PLB1: variants seen among roughly 807,000 people sequenced by gnomAD.
PLB1 encodes phospholipase B1, also known as phospholipase B1, membrane-associated.
PLB1 carries 242 observed loss-of-function variants against 227.4 expected under a neutral mutation model. The observed-to-expected ratio is 1.06, with a 90% CI of 0.96 to 1.18. The LOEUF (loss-of-function observed/expected upper bound fraction) is 1.18. Ranked by LOEUF, PLB1 falls within the 50% of genes most tolerant of loss-of-function variation. PLB1 has a pLI of 0.00. For synonymous variants in PLB1, 757 were observed against 682.2 expected (o/e 1.11, Z -1.71); for missense variants, 1,858 against 1,816.3 (o/e 1.02, Z -0.42).
chr2:28,642,922 C>T lies in PLB1; in HGVS notation c.4238C>T (p.Pro1413Leu), dbSNP rs756319674. ...CTCCCAGACCAGGCTGAAGAAGCCC[C>T]CGAGGTGCTCTACTGGGCTGTCCCA... ...RLLPDQAEEAPEVLYWAVPVA... is the reference protein window; with the variant it reads ...RLLPDQAEEALEVLYWAVPVA... The change falls in exon 58 of 58, where the codon CCC (proline) becomes CTC (leucine). Residue 1413 changes from proline to leucine, a missense_variant. Coordinates refer to ENST00000327757, the MANE Select transcript of PLB1 (RefSeq NM_153021.5). The T allele has an allele frequency of 6.2e-7, 1 of 1,608,738 alleles. No individual in the cohort carries two copies. Among genetic ancestry groups the T allele is most frequent in the Non-Finnish European group, 8.5e-7 (1 of 1,177,638 alleles).
intron 4 of PLB1, among the ~76,000 whole-genome samples, chr2:28,520,548 C>A (rs887851876): frequency 1.3e-5 from 2 of 152,148 alleles, no homozygotes; most frequent in Admixed American, 6.5e-5. Flanking sequence ...CAACTGATCT[C>A]CAGAACTTTT....
intron 20 of PLB1, among the ~76,000 whole-genome samples, chr2:28,568,263 A>G (rs530791606): frequency 3.0e-4 from 45 of 152,304 alleles, no homozygotes; most frequent in African/African-American, 1.1e-3. Context: ...GGATGGCCCA[A>G]TGTATGCAAT....
At chr2:28,498,311 C>G (rs945809561) in intron 1 of PLB1, among the ~76,000 whole-genome samples, 1 of 151,632 alleles carries the variant, frequency 6.6e-6, no homozygotes, top group Non-Finnish European at 1.5e-5. Context: ...GTAGCTTCAA[C>G]CTCCCAGGCT....
intron 20 of PLB1, among the ~76,000 whole-genome samples, chr2:28,567,534 C>T (rs958773158): frequency 7.7e-6 from 1 of 130,700 alleles, no homozygotes; most frequent in Non-Finnish European, 1.5e-5. Context: ...TGCAGAGTGG[C>T]GCCATCTCAG....
chr2:28,498,670 A>C (rs1666753349), intron 1 of PLB1, among the ~76,000 whole-genome samples: 1 of 152,178 alleles, frequency 6.6e-6, no homozygotes, highest in Non-Finnish European at 1.5e-5. Flanking sequence ...TTAAGGATTC[A>C]TGCATGTTTC....
intron 51 of PLB1, among the ~76,000 whole-genome samples, chr2:28,627,185 C>T (rs1415873823): frequency 1.3e-5 from 2 of 152,128 alleles, no homozygotes; most frequent in African/African-American, 4.8e-5. Context: ...TCACAGAGGC[C>T]AACTACCAGA....
At chr2:28,522,142 C>T (rs1669606856) in intron 4 of PLB1, among the ~76,000 whole-genome samples, 1 of 151,946 alleles carries the variant, frequency 6.6e-6, no homozygotes, top group South Asian at 2.1e-4. Context: ...AGCCTCACCA[C>T]ATTTATCAAT....
At chr2:28,627,115 G>A (rs1558951957) in intron 51 of PLB1, among the ~76,000 whole-genome samples, 2 of 152,160 alleles carry the variant, frequency 1.3e-5, no homozygotes, top group African/African-American at 2.4e-5. Flanking sequence ...GATTGTGGTC[G>A]AATGTTTGAC....
At chr2:28,623,405 C>T (rs1185742089) in intron 49 of PLB1, among the ~76,000 whole-genome samples, 4 of 152,162 alleles carry the variant, frequency 2.6e-5, no homozygotes, top group Non-Finnish European at 5.9e-5. Flanking sequence ...CTCCTACCCA[C>T]GAGGGCTTAT....
At chr2:28,626,824 AC>A (rs1687863309) in intron 51 of PLB1, among the ~76,000 whole-genome samples, 1 of 152,154 alleles carries the variant, frequency 6.6e-6, no homozygotes, top group Admixed American at 6.5e-5. Context: ...CAGATAGGGG[AC>A]TAGCCATCCT....
intron 8 of PLB1, among the ~76,000 whole-genome samples, chr2:28,531,801 C>T (rs1383766263): frequency 2.0e-5 from 3 of 152,118 alleles, no homozygotes; most frequent in South Asian, 2.1e-4. Context: ...AAGGCTTCAT[C>T]ATTGTAGCTG....
chr2:28,624,871 A>G (rs906692817), intron 49 of PLB1, among the ~76,000 whole-genome samples, 186 bp from the exon 50 acceptor site: 1 of 152,220 alleles, frequency 6.6e-6, no homozygotes, highest in African/African-American at 2.4e-5. Flanking sequence ...GGCTAGATCA[A>G]TGTGGCTCCA....
chr2:28,632,945 G>C lies in PLB1; in HGVS notation c.4004G>C (p.Arg1335Thr). 6.2e-7 allele frequency: 1 copy of C among 1,613,812 alleles called. No individual in the cohort carries two copies. The highest frequency in any genetic ancestry group is 8.5e-7 in the Non-Finnish European group (1 of 1,179,732). The change falls in exon 56 of 58, where the codon AGA becomes ACA. Residue 1335 changes from arginine to threonine, a missense_variant and splice_region_variant. Transcript: ENST00000327757. ...FQNTLTPLNERGDTDLTFFSE... is the reference protein window; with the variant it reads ...FQNTLTPLNETGDTDLTFFSE... Reference sequence around the variant, plus strand: ...TAACCTCCTTGCCGTTGGTTGCAGAGAGGGGACACTGACCTCACCTTCTTC... The same window carrying C: ...TAACCTCCTTGCCGTTGGTTGCAGACAGGGGACACTGACCTCACCTTCTTC...
rs1427929755 is a variant in PLB1 at position 28,626,488 on chromosome 2, T to C, written c.3640T>C (p.Cys1214Arg). The change falls in exon 51 of 58, where the codon TGT becomes CGT. Residue 1214 changes from cysteine (C) to arginine (R), a missense_variant. Cys to Arg is a radical substitution (Grantham distance 180, BLOSUM62 -3). Transcript: ENST00000327757. Reference protein sequence around the residue: ...VTLFIGVNDLCHYCENPEAHL... With the variant: ...VTLFIGVNDLRHYCENPEAHL... ...ACTCTTCATTGGGGTCAACGACTTG[T>C]GTCATTACTGTGAGAATCCGGTAGG... 20 of 1,614,096 alleles carry C rather than the reference T, an allele frequency of 1.2e-5. No homozygotes were observed. Among genetic ancestry groups the C allele is most frequent in the Non-Finnish European group, 1.7e-5 (20 of 1,179,990 alleles).
rs1400102921 is a variant in PLB1, at chr2:28,582,475, A to G, written c.1703A>G (p.Lys568Arg). The G allele has an allele frequency of 6.2e-7, 1 of 1,611,716 alleles. No homozygotes were observed. Among genetic ancestry groups the G allele is most frequent in the Non-Finnish European group, 8.5e-7 (1 of 1,178,908 alleles). ...AACCTGAGGGAGCTGTACCAGGAGA[A>G]AAAAGTCTACTGCCCAAGGATGATC... ...IVNLRELYQE[K>R]KVYCPRMILR... Residue 568 changes from lysine (K) to arginine (R), a missense_variant, in exon 25 of 58, where the codon AAA becomes AGA. Transcript: ENST00000327757.
intron 43 of PLB1, among the ~76,000 whole-genome samples, chr2:28,611,721 A>C (rs1269240744): frequency 6.6e-6 from 1 of 152,100 alleles, no homozygotes; most frequent in African/African-American, 2.4e-5. Flanking sequence ...GGGAATGCTT[A>C]CTGTTAACCC....
chr2:28,640,853 G>A, intron 56 of PLB1, 74 bp from the exon 57 acceptor site: 2 of 1,464,782 alleles, frequency 1.4e-6, no homozygotes, highest in South Asian at 1.2e-5. Flanking sequence ...GGGCTCTGGT[G>A]TGAGACACCC....
chr2:28,504,540 C>G (rs894440227), intron 1 of PLB1, among the ~76,000 whole-genome samples: 1 of 152,022 alleles, frequency 6.6e-6, no homozygotes, highest in African/African-American at 2.4e-5. Context: ...GTCAGGAGTT[C>G]GAGACCAGCC....
Position 28,604,654 on chromosome 2 carries a change from G to C in PLB1, c.2857-1G>C, listed in dbSNP as rs1015250932. The stretch of plus-strand genomic sequence containing the variant: ...TGAAGACCCTGTGCATGTGTCCCCA[G>C]AGCAGCATGCGCGAGCTGGTGGGGT... On this transcript the variant is annotated splice_acceptor_variant, in intron 40 of 57. Coordinates refer to ENST00000327757, the MANE Select transcript of PLB1 (RefSeq NM_153021.5). LOFTEE classifies it high-confidence loss of function. 6.2e-7 allele frequency: 1 copy of C among 1,613,852 alleles called. No individual in the cohort carries two copies. The highest frequency in any genetic ancestry group is 8.5e-7 in the Non-Finnish European group (1 of 1,179,816).
Sources: allele counts gnomAD v4.1 joint callset (sites outside exome capture counted in the v4.1 genomes callset), GRCh38; gene constraint gnomAD v4.1.1; transcripts MANE v1.5; gene names NCBI Gene and HGNC (gene_info 2026-07-23, HGNC 2026-07-21).